Variants in SPECC1L observed in about 807,000 individuals in gnomAD.
SPECC1L encodes the protein sperm antigen with calponin homology and coiled-coil domains 1 like, also known as cytospin-A.
Under a neutral mutation model 116.8 loss-of-function variants are expected in SPECC1L, and 40 were observed. The observed-to-expected ratio is 0.34, with a 90% CI of 0.27 to 0.45. SPECC1L has a LOEUF of 0.45. SPECC1L is among the 20% of genes least tolerant of loss of function. SPECC1L has a pLI of 1.00. For missense variants in SPECC1L, 1,110 were observed against 1,373.6 expected (o/e 0.81, Z 3.03); for synonymous variants, 504 against 500.6 (o/e 1.01, Z -0.09).
chr22:24,323,276 G>A (rs1031978885), intron 5 of SPECC1L, among the ~76,000 whole-genome samples: 11 of 152,180 alleles, frequency 7.2e-5, no homozygotes, highest in African/African-American at 2.7e-4. Context: ...GTAATAGGTG[G>A]AGAGTCAGTA....
chr22:24,391,228 C>G (rs576350554), intron 14 of SPECC1L, among the ~76,000 whole-genome samples: 2 of 152,122 alleles, frequency 1.3e-5, no homozygotes, highest in African/African-American at 4.8e-5. Context: ...CTTTTCTGTC[C>G]CAGTGAAGTG....
intron 3 of SPECC1L, 56 bp downstream of exon 3, chr22:24,302,440 T>C: frequency 1.9e-6 from 3 of 1,595,030 alleles, no homozygotes; most frequent in Non-Finnish European, 2.6e-6. Flanking sequence ...AATTTAAATA[T>C]GATGTTTAAT....
chr22:24,384,965 G>A (rs1198903559), intron 14 of SPECC1L, among the ~76,000 whole-genome samples: 1 of 151,670 alleles, frequency 6.6e-6, no homozygotes, highest in African/African-American at 2.4e-5. Context: ...TTGGGAGGCT[G>A]AGGCAGGAGA....
intron 2 of SPECC1L, among the ~76,000 whole-genome samples, chr22:24,285,224 A>G (rs1329824257): frequency 6.6e-6 from 1 of 152,218 alleles, no homozygotes; most frequent in Non-Finnish European, 1.5e-5. Context: ...ACAAGATAGA[A>G]GAAAGTAAGT....
At chr22:24,310,532 T>G (rs1190466792) in intron 3 of SPECC1L, among the ~76,000 whole-genome samples, 2 of 152,214 alleles carry the variant, frequency 1.3e-5, no homozygotes, top group Non-Finnish European at 2.9e-5. Flanking sequence ...TGTTTACCAA[T>G]CTGTTAAGTG....
intron 14 of SPECC1L, among the ~76,000 whole-genome samples, chr22:24,393,844 C>A (rs2042316866): frequency 6.6e-6 from 1 of 152,138 alleles, no homozygotes; most frequent in East Asian, 1.9e-4. Flanking sequence ...TCCTGCTTCT[C>A]CCCCACATTT....
chr22:24,334,818 G>A (rs1332378490), intron 9 of SPECC1L, among the ~76,000 whole-genome samples: 2 of 152,116 alleles, frequency 1.3e-5, no homozygotes, highest in Admixed American at 1.3e-4. Flanking sequence ...TCTCACCCTC[G>A]GTGGATCACA....
At chr22:24,389,023 C>A (rs749743988) in intron 14 of SPECC1L, among the ~76,000 whole-genome samples, 22 of 151,142 alleles carry the variant, frequency 1.5e-4, no homozygotes, top group Non-Finnish European at 2.9e-4. Context: ...CATTTGTGGT[C>A]TTTTGTCACT....
intron 7 of SPECC1L, among the ~76,000 whole-genome samples, chr22:24,329,803 AT>A (rs953666025): frequency 1.8e-4 from 26 of 144,002 alleles, no homozygotes; most frequent in South Asian, 1.1e-3. Flanking sequence ...TTTTCTTTTG[AT>A]TTTTTTTTTT....
At chr22:24,308,587 G>T (rs1273667109) in intron 3 of SPECC1L, among the ~76,000 whole-genome samples, 1 of 152,212 alleles carries the variant, frequency 6.6e-6, no homozygotes, top group Middle Eastern at 3.2e-3. Context: ...TCAGGTTACT[G>T]TGTTCGCTCT....
At chr22:24,327,121 T>C (rs1052800580) in intron 6 of SPECC1L, among the ~76,000 whole-genome samples, 2 of 151,344 alleles carry the variant, frequency 1.3e-5, no homozygotes, top group African/African-American at 4.9e-5. Context: ...GTACTAAAAA[T>C]ACAAAAATTA....
chr22:24,301,155 G>T (rs541824521), intron 2 of SPECC1L, among the ~76,000 whole-genome samples: 150 of 152,282 alleles, frequency 9.9e-4, no homozygotes, highest in Non-Finnish European at 1.2e-3. Context: ...CACAGCAAAA[G>T]AAACTATCAT....
chr22:24,285,729 C>G (rs978146550), intron 2 of SPECC1L, among the ~76,000 whole-genome samples: 1 of 152,052 alleles, frequency 6.6e-6, no homozygotes, highest in South Asian at 2.1e-4. Flanking sequence ...CTGCGACCTC[C>G]GCTTCCTGGG....
chr22:24,325,749 A>C (rs935566103), intron 6 of SPECC1L, among the ~76,000 whole-genome samples: 2 of 152,208 alleles, frequency 1.3e-5, no homozygotes, highest in Admixed American at 1.3e-4. Flanking sequence ...ATGACCAGGT[A>C]GCTTAAAATG....
rs62233111 is a variant in SPECC1L, at chr22:24,308,651, A to G, written c.154-4662A>G. 4.6e-3 allele frequency among the ~76,000 whole-genome samples: 478 copies of G among 103,892 alleles called. 3 individuals carry two copies. Among genetic ancestry groups the G allele is most frequent in the Non-Finnish European group, 5.9e-3 (295 of 50,292 alleles). 68.2% of individuals were successfully genotyped at this position (103,892 alleles called of 152,430 possible). On this transcript the variant is annotated intron_variant, in intron 3 of 16. Coordinates refer to ENST00000314328, the MANE Select transcript of SPECC1L (RefSeq NM_015330.6). ...ACTTTGAAACTTTGTACATATATCT[A>G]TCCTTTTTTTTACTAGACTTTTCAC...
intron 11 of SPECC1L, among the ~76,000 whole-genome samples, chr22:24,358,172 T>C (rs139059498): frequency 3.3e-5 from 5 of 150,210 alleles, no homozygotes; most frequent in Admixed American, 6.7e-5. Flanking sequence ...TGGAGTGCAG[T>C]GGTGTGATCC....
chr22:24,379,096 C>T (rs1286469568), intron 14 of SPECC1L, among the ~76,000 whole-genome samples: 2 of 145,816 alleles, frequency 1.4e-5, no homozygotes, highest in Non-Finnish European at 3.1e-5. Context: ...TTTTGCTAGA[C>T]AATAACTTAA....
intron 11 of SPECC1L, among the ~76,000 whole-genome samples, chr22:24,352,459 A>G (rs1467611744): frequency 2.6e-5 from 4 of 152,142 alleles, no homozygotes; most frequent in African/African-American, 4.8e-5. Context: ...TCTGTAAGGA[A>G]ATTTCATACC....
In SPECC1L at chr22:24,338,491, A is replaced by T. The variant is rs182877699; in HGVS notation, c.2652+14A>T. The T allele has an allele frequency of 1.9e-6, 3 of 1,612,300 alleles. No individual in the cohort carries two copies. The highest frequency in any genetic ancestry group is 2.5e-6 in the Non-Finnish European group (3 of 1,178,366). ...TCCCCTATGCAGGTGAGTGCCTGGA[A>T]CCACAGGAGGCTCTTAGAGCCTCAG... On this transcript the variant is annotated intron_variant, in intron 10 of 16. Transcript: ENST00000314328.
Sources: gnomAD v4.1 joint callset for allele counts (sites outside exome capture counted in the v4.1 genomes callset) on GRCh38, gnomAD v4.1.1 for gene constraint, MANE v1.5 for transcripts, NCBI Gene and HGNC (gene_info 2026-07-23, HGNC 2026-07-21) for gene names.